The following TSPAN5 variants were observed in gnomAD, a reference collection of about 807,000 sequenced individuals.
TSPAN5 encodes the protein tetraspanin 5, also known as tetraspanin-5.
In TSPAN5, 10 loss-of-function variants were observed where a neutral mutation model predicts 37.1. That is an observed-to-expected ratio of 0.27 (90% CI 0.17 to 0.46). The LOEUF (loss-of-function observed/expected upper bound fraction) is 0.46. Among genes scored for constraint, TSPAN5 ranks in the 20% least tolerant of loss-of-function variants. The probability of loss-of-function intolerance (pLI) is 1.00; values close to 1 mark genes in which losing one functional copy is unlikely to be tolerated. For missense variants in TSPAN5, 195 were observed against 326.6 expected, an observed-to-expected ratio of 0.60 and a Z score of 3.11; for synonymous variants, 110 against 118.9, an observed-to-expected ratio of 0.93 and a Z score of 0.48.
At chr4:98,482,200 A>C in intron 3 of TSPAN5, 25 bp from the exon 4 acceptor site, 1 of 1,610,300 alleles carries the variant, frequency 6.2e-7, no homozygotes, top group Non-Finnish European at 8.5e-7. Context: ...ACATACACAG[A>C]GAACAGTTAT....
chr4:98,580,163 G>A (rs1416087098), intron 1 of TSPAN5, among the ~76,000 whole-genome samples: 2 of 152,008 alleles, frequency 1.3e-5, no homozygotes, highest in African/African-American at 4.8e-5. Flanking sequence ...ATAAACTCTT[G>A]CACACCAACA....
At chr4:98,581,166 T>C (rs1014505773) in intron 1 of TSPAN5, among the ~76,000 whole-genome samples, 1 of 152,176 alleles carries the variant, frequency 6.6e-6, no homozygotes, top group Non-Finnish European at 1.5e-5. Context: ...TTTTCTAGGA[T>C]TTGTGCAGAA....
At chr4:98,616,803 A>G (rs1254992548) in intron 1 of TSPAN5, among the ~76,000 whole-genome samples, 1 of 152,122 alleles carries the variant, frequency 6.6e-6, no homozygotes, top group Non-Finnish European at 1.5e-5. Flanking sequence ...CCTTCTCTCC[A>G]TAAAATAACG....
At chr4:98,638,034 G>A (rs1205874185) in intron 1 of TSPAN5, among the ~76,000 whole-genome samples, 1 of 152,084 alleles carries the variant, frequency 6.6e-6, no homozygotes, top group Non-Finnish European at 1.5e-5. Flanking sequence ...CACGGTCTTG[G>A]CCTGGACTTT....
chr4:98,551,386 G>A (rs1754609860), intron 1 of TSPAN5, among the ~76,000 whole-genome samples: 1 of 147,298 alleles, frequency 6.8e-6, no homozygotes, highest in Non-Finnish European at 1.5e-5. Flanking sequence ...GTTATAACTA[G>A]CCTTGTAGAA....
At chr4:98,640,795 T>C (rs752650436) in intron 1 of TSPAN5, among the ~76,000 whole-genome samples, 7 of 152,196 alleles carry the variant, frequency 4.6e-5, no homozygotes, top group Non-Finnish European at 1.0e-4. Flanking sequence ...ACAACACCTT[T>C]TCCCAGGTGA....
intron 1 of TSPAN5, among the ~76,000 whole-genome samples, chr4:98,637,425 A>C (rs1756880759): frequency 6.6e-6 from 1 of 152,176 alleles, no homozygotes; most frequent in Non-Finnish European, 1.5e-5. Context: ...TATGGGTCTC[A>C]ACTGATGACC....
chr4:98,486,616 C>T (rs1410302562), intron 3 of TSPAN5, 122 bp downstream of exon 3: 1 of 1,094,196 alleles, frequency 9.1e-7, no homozygotes, highest in Non-Finnish European at 1.4e-6. Flanking sequence ...AAATAATGAC[C>T]TGGGCCCTAC....
At chr4:98,548,062 C>T (rs1754513331) in intron 1 of TSPAN5, among the ~76,000 whole-genome samples, 1 of 150,012 alleles carries the variant, frequency 6.7e-6, no homozygotes, top group South Asian at 2.1e-4. Flanking sequence ...AAAGCGTGCA[C>T]ACATACACAA....
intron 1 of TSPAN5, among the ~76,000 whole-genome samples, chr4:98,576,174 TA>T (rs897367769): frequency 1.2e-3 from 185 of 150,280 alleles, no homozygotes; most frequent in African/African-American, 3.3e-3. Flanking sequence ...ACAAGAAAAT[TA>T]AAAAAAAAAT....
chr4:98,516,822 T>G (rs1185604381), intron 1 of TSPAN5, among the ~76,000 whole-genome samples: 2 of 152,188 alleles, frequency 1.3e-5, no homozygotes, highest in African/African-American at 4.8e-5. Flanking sequence ...CAAGAGTTGG[T>G]TGGCATTAAG....
chr4:98,493,432 G>C (rs1753128861), intron 2 of TSPAN5, among the ~76,000 whole-genome samples: 1 of 152,188 alleles, frequency 6.6e-6, no homozygotes, highest in Non-Finnish European at 1.5e-5. Context: ...GGATAAATGA[G>C]TGAGAAGCAG....
Position 98,597,617 on chromosome 4 carries a change from T to C in TSPAN5, c.81+60529A>G, listed in dbSNP as rs1406081711. ...TGGTGATGTACATATGGGTTTTCGG[T>C]GTAGATGTCCTTTCTGGTTGTTAGT... On this transcript the variant is annotated intron_variant, in intron 1 of 7. Coordinates refer to ENST00000305798, the MANE Select transcript of TSPAN5 (RefSeq NM_005723.4). Among the ~76,000 whole-genome samples, 3 of 57,734 alleles carry C rather than the reference T, an allele frequency of 5.2e-5. 1 individual carries two copies. The highest frequency in any genetic ancestry group is 3.6e-4 in the African/African-American group (3 of 8,382). 37.9% of individuals were successfully genotyped at this position (57,734 alleles called of 152,430 possible).
intron 1 of TSPAN5, among the ~76,000 whole-genome samples, chr4:98,607,994 A>G (rs1347479757): frequency 3.9e-5 from 6 of 152,202 alleles, no homozygotes; most frequent in African/African-American, 7.2e-5. Flanking sequence ...TACAGGCATG[A>G]GCCACTGCGC....
intron 1 of TSPAN5, among the ~76,000 whole-genome samples, chr4:98,600,835 C>T (rs1755866739): frequency 6.6e-6 from 1 of 152,146 alleles, no homozygotes; most frequent in African/African-American, 2.4e-5. Flanking sequence ...TTTTCAATTT[C>T]CTTTGCCCAT....
At position 98,476,404 on chromosome 4, in the gene TSPAN5, T is replaced by G. The variant is rs774172164; in HGVS notation, c.624+9A>C. 2.5e-6 allele frequency: 4 copies of G among 1,614,214 alleles called. No homozygotes were observed. The Admixed American group carries it at 6.7e-5, about 27-fold the overall frequency. On this transcript the variant is annotated intron_variant, in intron 6 of 7. Transcript: ENST00000305798. Reference sequence around the variant, plus strand: ...TTCGTGCTAAGCAACAACATGAGATTCCACTTACTGGTTTTTGCCTGGCAT... The same window carrying G: ...TTCGTGCTAAGCAACAACATGAGATGCCACTTACTGGTTTTTGCCTGGCAT...
intron 1 of TSPAN5, among the ~76,000 whole-genome samples, chr4:98,619,364 G>T (rs1301957110): frequency 1.3e-5 from 2 of 152,154 alleles, no homozygotes; most frequent in African/African-American, 4.8e-5. Flanking sequence ...GCTAAACTGA[G>T]ATCATGAGCA....
intron 1 of TSPAN5, among the ~76,000 whole-genome samples, chr4:98,615,971 A>G (rs1287152983): frequency 1.3e-5 from 2 of 152,162 alleles, no homozygotes; most frequent in African/African-American, 4.8e-5. Context: ...AATCAAAAGG[A>G]AACAACGAAG....
intron 1 of TSPAN5, among the ~76,000 whole-genome samples, chr4:98,515,660 G>A (rs987671620): frequency 5.3e-5 from 8 of 152,124 alleles, no homozygotes. Flanking sequence ...AGAGATCAGT[G>A]ATGGGGCCTG....
Sources: allele counts gnomAD v4.1 joint callset (sites outside exome capture counted in the v4.1 genomes callset), GRCh38; gene constraint gnomAD v4.1.1; transcripts MANE v1.5; gene names NCBI Gene and HGNC (gene_info 2026-07-23, HGNC 2026-07-21).